Variants in LRP1B observed in about 807,000 individuals in gnomAD.
LRP1B encodes the protein low-density lipoprotein receptor-related protein 1B.
In LRP1B, 217 loss-of-function variants were observed where a neutral mutation model predicts 556.6. The ratio of observed to expected loss-of-function variants is 0.39; its 90% CI spans 0.35 to 0.44. LRP1B has a LOEUF of 0.44. Ranked by LOEUF, LRP1B falls within the 20% of genes least tolerant of loss-of-function variation. The probability of loss-of-function intolerance (pLI) is 1.00; values close to 1 mark genes in which losing one functional copy is unlikely to be tolerated. For missense variants in LRP1B, 5,053 were observed against 5,620.8 expected (o/e 0.90, Z 3.23); for synonymous variants, 2,047 against 1,865.8 (o/e 1.10, Z -2.50).
At chr2:140,288,608 C>T (rs1366085455) in intron 84 of LRP1B, among the ~76,000 whole-genome samples, 1 of 151,822 alleles carries the variant, frequency 6.6e-6, no homozygotes, top group East Asian at 1.9e-4. Flanking sequence ...AATTTATGTG[C>T]TACATTGTTT....
At chr2:140,611,252 A>G (rs1052306888) in intron 41 of LRP1B, among the ~76,000 whole-genome samples, 7 of 152,176 alleles carry the variant, frequency 4.6e-5, no homozygotes, top group Non-Finnish European at 1.0e-4. Context: ...TTTGTTCCTT[A>G]TGCCTTGTAA....
rs1308823735 is a variant in LRP1B at position 142,115,503 on chromosome 2, TATATTATATATTAC to T, written c.82+15131_82+15144del. 9.3e-3 allele frequency among the ~76,000 whole-genome samples: 878 copies of T among 94,110 alleles called. 107 individuals are homozygous for T. Among genetic ancestry groups the T allele is most frequent in the African/African-American group, 0.013 (323 of 25,302 alleles). 61.7% of individuals were successfully genotyped at this position (94,110 alleles called of 152,430 possible). A position where few individuals can be genotyped will look rare whatever the true frequency, so the allele number is the denominator to read the frequency against. The stretch of plus-strand genomic sequence containing the variant: ...ATATAATATATAATTATATATAATA[TATATTATATATTAC>T]ATATATAATATATATATTACATATG... On this transcript the variant is annotated intron_variant, in intron 1 of 90. Transcript: ENST00000389484.
chr2:140,835,580 C>T (rs1433080957), intron 31 of LRP1B, among the ~76,000 whole-genome samples: 2 of 152,260 alleles, frequency 1.3e-5, no homozygotes, highest in African/African-American at 4.8e-5. Context: ...TCTTGTTGCA[C>T]AGGCTGGAGT....
intron 16 of LRP1B, among the ~76,000 whole-genome samples, chr2:140,992,338 G>A (rs1229176432): frequency 6.6e-6 from 1 of 152,058 alleles, no homozygotes; most frequent in Non-Finnish European, 1.5e-5. Flanking sequence ...CTAATTAGCA[G>A]TACAAATGCA....
At chr2:141,975,628 G>A (rs1701865085) in intron 1 of LRP1B, among the ~76,000 whole-genome samples, 1 of 152,118 alleles carries the variant, frequency 6.6e-6, no homozygotes, top group South Asian at 2.1e-4. Context: ...AAGCTGTGGA[G>A]TAGGTGGCTG....
At chr2:140,334,018 A>AC (rs1294556140) in intron 79 of LRP1B, among the ~76,000 whole-genome samples, 204 of 151,524 alleles carry the variant, frequency 1.3e-3, no homozygotes, top group African/African-American at 4.7e-3. Context: ...AACAAAACAA[A>AC]ACAAAAAAAA....
At chr2:140,976,059 A>C (rs1696585846) in intron 18 of LRP1B, among the ~76,000 whole-genome samples, 1 of 152,144 alleles carries the variant, frequency 6.6e-6, no homozygotes, top group South Asian at 2.1e-4. Flanking sequence ...CTGGGACTAC[A>C]GGTACCCATC....
At chr2:141,074,759 C>T (rs1163825349) in intron 7 of LRP1B, among the ~76,000 whole-genome samples, 1 of 151,584 alleles carries the variant, frequency 6.6e-6, no homozygotes, top group Non-Finnish European at 1.5e-5. Flanking sequence ...AAAGATAAGG[C>T]CATTCTGGCA....
chr2:140,631,431 G>C (rs141451089), intron 41 of LRP1B, among the ~76,000 whole-genome samples: 1 of 152,276 alleles, frequency 6.6e-6, no homozygotes, highest in Non-Finnish European at 1.5e-5. Flanking sequence ...CAATATTCAA[G>C]AACAGTTGGG....
chr2:141,135,201 C>T (rs184840307), intron 7 of LRP1B, among the ~76,000 whole-genome samples: 14 of 151,856 alleles, frequency 9.2e-5, no homozygotes, highest in East Asian at 1.9e-4. Flanking sequence ...AATATTCATT[C>T]GTATGATCAA....
intron 7 of LRP1B, among the ~76,000 whole-genome samples, chr2:141,146,317 C>T (rs938264973): frequency 6.6e-6 from 1 of 152,176 alleles, no homozygotes; most frequent in Admixed American, 6.6e-5. Flanking sequence ...ATTTTATTTA[C>T]ATTCACATTA....
At chr2:141,118,581 G>A (rs543598416) in intron 7 of LRP1B, among the ~76,000 whole-genome samples, 1 of 151,894 alleles carries the variant, frequency 6.6e-6, no homozygotes, top group Non-Finnish European at 1.5e-5. Flanking sequence ...ATTGAAATAA[G>A]TAGTACATTT....
At chr2:140,882,316 A>G (rs1374053322) in intron 25 of LRP1B, among the ~76,000 whole-genome samples, 1 of 152,182 alleles carries the variant, frequency 6.6e-6, no homozygotes, top group African/African-American at 2.4e-5. Context: ...ATATTGAAAA[A>G]TAAAGGTAAG....
intron 7 of LRP1B, among the ~76,000 whole-genome samples, chr2:141,179,040 G>A (rs564388535): frequency 2.6e-5 from 4 of 152,126 alleles, no homozygotes; most frequent in Admixed American, 6.6e-5. Context: ...AAAGCTTAGT[G>A]TGTAGACTGT....
chr2:140,608,405 A>T lies in LRP1B; in HGVS notation c.6800-6766T>A, dbSNP rs149430497. 2.4e-3 allele frequency among the ~76,000 whole-genome samples: 361 copies of T among 152,348 alleles called. 1 individual carries two copies. Among genetic ancestry groups the T allele is most frequent in the African/African-American group, 8.3e-3 (345 of 41,594 alleles). On this transcript the variant is annotated intron_variant, in intron 41 of 90. Transcript: ENST00000389484. The stretch of plus-strand genomic sequence containing the variant: ...TTCTTGTAGCCAAGGCATTGTAATA[A>T]TGCTACTTTTCGTGATCGTGGATCT...
At chr2:141,510,552 A>C (rs1684093095) in intron 2 of LRP1B, among the ~76,000 whole-genome samples, 2 of 152,082 alleles carry the variant, frequency 1.3e-5, no homozygotes, top group South Asian at 4.1e-4. Flanking sequence ...TCATTTTATG[A>C]AAGAGGAAAA....
chr2:141,853,303 T>C (rs895931595), intron 1 of LRP1B, among the ~76,000 whole-genome samples: 1 of 151,514 alleles, frequency 6.6e-6, no homozygotes, highest in Non-Finnish European at 1.5e-5. Flanking sequence ...CTGCCCACCA[T>C]CACCATTTAA....
intron 77 of LRP1B, among the ~76,000 whole-genome samples, chr2:140,341,414 T>C (rs1297437205): frequency 6.6e-6 from 1 of 151,524 alleles, no homozygotes; most frequent in Non-Finnish European, 1.5e-5. Flanking sequence ...TCTTTGAGCA[T>C]GTCCCTTCAA....
intron 20 of LRP1B, among the ~76,000 whole-genome samples, chr2:140,928,853 C>T (rs1189591150): frequency 6.6e-6 from 1 of 151,756 alleles, no homozygotes; most frequent in Admixed American, 6.6e-5. Flanking sequence ...TTGCAAAGAC[C>T]TAAAAGCAGG....
Sources: gnomAD v4.1 joint callset for allele counts (sites outside exome capture counted in the v4.1 genomes callset) on GRCh38, gnomAD v4.1.1 for gene constraint, MANE v1.5 for transcripts, NCBI Gene and HGNC (gene_info 2026-07-23, HGNC 2026-07-21) for gene names.